Variants in TECTB observed in about 807,000 individuals in gnomAD.
TECTB encodes the protein beta-tectorin.
TECTB carries 45 observed loss-of-function variants against 43.3 expected under a neutral mutation model. The ratio of observed to expected loss-of-function variants is 1.04; its 90% confidence interval spans 0.82 to 1.33. The LOEUF (loss-of-function observed/expected upper bound fraction) is 1.33, where lower values mean the gene tolerates loss of function less well. TECTB is among the 40% of genes most tolerant of loss of function. The pLI is 0.00. For missense variants in TECTB, 399 were observed against 404.7 expected (o/e 0.99, Z 0.12); for synonymous variants, 169 against 156.7 (o/e 1.08, Z -0.59).
chr10:112,297,971 A>T, intron 7 of TECTB, 98 bp from the exon 8 acceptor site: 1 of 1,541,504 alleles, frequency 6.5e-7, no homozygotes, highest in Non-Finnish European at 8.9e-7. Flanking sequence ...GTTAGAGGTC[A>T]TATAACCACC....
At chr10:112,285,937 G>T in intron 3 of TECTB, 134 bp from the exon 4 acceptor site, 1 of 1,128,550 alleles carries the variant, frequency 8.9e-7, no homozygotes. Flanking sequence ...AAGAGTGGAT[G>T]CCACCGTCAG....
chr10:112,283,669 G>T lies in TECTB; in HGVS notation c.-66G>T. The T allele has an allele frequency of 6.7e-7, 1 of 1,501,804 alleles. No homozygotes were observed. Among genetic ancestry groups the T allele is most frequent in the Non-Finnish European group, 9.2e-7 (1 of 1,083,470 alleles). 93.0% of individuals were successfully genotyped at this position (1,501,804 alleles called of 1,614,324 possible). A position where few individuals can be genotyped will look rare whatever the true frequency, so the allele number is the denominator to read the frequency against. On this transcript the variant is annotated 5_prime_UTR_variant, in exon 2 of 11. Transcript: ENST00000646139. ...TTAGAATGATCGAGGCTCAGGCCCT[G>T]GAAGGACCGTAAACATTTGGCCAGC...
chr10:112,302,329 G>A (rs978265348), intron 10 of TECTB, 196 bp downstream of exon 10: 5 of 536,952 alleles, frequency 9.3e-6, no homozygotes, highest in South Asian at 3.3e-5. Context: ...TCTGAAGAGA[G>A]GGAGGAACCG....
At chr10:112,285,152 C>T (rs892370824) in intron 3 of TECTB, among the ~76,000 whole-genome samples, 4 of 152,198 alleles carry the variant, frequency 2.6e-5, no homozygotes, top group Admixed American at 6.5e-5. Flanking sequence ...CAACTTCTAA[C>T]GCAGTCTTGT....
chr10:112,293,591 T>C (rs1019962564), intron 5 of TECTB, 147 bp from the exon 6 acceptor site: 1 of 655,786 alleles, frequency 1.5e-6, no homozygotes. Context: ...AGAATTTCTC[T>C]GGTCTTGGAG....
At chr10:112,293,312 T>A (rs998573946) in intron 5 of TECTB, among the ~76,000 whole-genome samples, 1 of 146,518 alleles carries the variant, frequency 6.8e-6, no homozygotes, top group Non-Finnish European at 1.5e-5. Flanking sequence ...ATCCTACACT[T>A]CCCAACCCAC....
At chr10:112,288,069 A>G (rs1322826407) in intron 5 of TECTB, among the ~76,000 whole-genome samples, 1 of 152,188 alleles carries the variant, frequency 6.6e-6, no homozygotes, top group African/African-American at 2.4e-5. Flanking sequence ...CCGTCCGGAG[A>G]GGAAAATTGG....
intron 5 of TECTB, among the ~76,000 whole-genome samples, chr10:112,291,855 G>A (rs1848501803): frequency 6.6e-6 from 1 of 152,194 alleles, no homozygotes; most frequent in Non-Finnish European, 1.5e-5. Context: ...CTAATCCACA[G>A]GCTGGGCGCA....
chr10:112,299,522 G>C lies in TECTB; in HGVS notation c.865G>C (p.Asp289His), dbSNP rs763907318. Residue 289 changes from aspartate (D) to histidine (H), a missense_variant, in exon 9 of 11, where the codon GAC (aspartate) becomes CAC (histidine). Physicochemically the swap from Asp to His is moderately conservative, Grantham distance 81. Transcript: ENST00000646139. The part of the protein sequence containing the change: ...TCDKRKRLLR[D>H]QTGGVLVVEL... Reference sequence around the variant, plus strand: ...CGATAAACGGAAGCGCCTCCTGCGAGACCAGACCGGGGGAGTCCTGGTCGT... The same window carrying C: ...CGATAAACGGAAGCGCCTCCTGCGACACCAGACCGGGGGAGTCCTGGTCGT... The C allele has an allele frequency of 6.2e-7, 1 of 1,614,120 alleles. No individual in the cohort carries two copies. Among genetic ancestry groups the C allele is most frequent in the Non-Finnish European group, 8.5e-7 (1 of 1,180,054 alleles).
chr10:112,301,202 C>A (rs1176028486), intron 9 of TECTB, among the ~76,000 whole-genome samples: 1 of 152,172 alleles, frequency 6.6e-6, no homozygotes, highest in Non-Finnish European at 1.5e-5. Context: ...GCGGGCAGAT[C>A]ACCTGAGGTC....
intron 9 of TECTB, among the ~76,000 whole-genome samples, chr10:112,301,702 A>G (rs1848613499): frequency 6.6e-6 from 1 of 152,176 alleles, no homozygotes; most frequent in Admixed American, 6.5e-5. Context: ...CTGATGGTTT[A>G]ATCAGGGGAG....
chr10:112,288,582 GT>G (rs1848473740), intron 5 of TECTB, among the ~76,000 whole-genome samples: 1 of 152,158 alleles, frequency 6.6e-6, no homozygotes, highest in Non-Finnish European at 1.5e-5. Flanking sequence ...CCTGACCCAT[GT>G]GGTTGGTATT....
At position 112,293,709 on chromosome 10, in the gene TECTB, TAATGCCCAGTGTCAATTTCCTTCCAAAG is replaced by T; in HGVS notation, c.484-22_489del. 6.3e-7 allele frequency: 1 copy of T among 1,599,790 alleles called. No individual in the cohort carries two copies. Among genetic ancestry groups the T allele is most frequent in the Non-Finnish European group, 8.6e-7 (1 of 1,167,046 alleles). ...CCTAGCTGCTCAATCTGAGAGTTCA[TAATGCCCAGTGTCAATTTCCTTCCAAAG>T]AATGCCAAGTTCTCCATCAAGAAAG... On this transcript the variant is annotated splice_acceptor_variant and splice_polypyrimidine_tract_variant and intron_variant, in intron 5 of 10. Transcript: ENST00000646139. LOFTEE classifies it high-confidence loss of function.
rs770079500 is a variant in TECTB at position 112,286,088 on chromosome 10, T to A, written c.285T>A (p.Tyr95Ter). Residue 95 changes from tyrosine to a stop codon, truncating the protein, a stop_gained, in exon 4 of 11, where the codon TAT becomes TAA. Coordinates refer to ENST00000646139, the MANE Select transcript of TECTB (RefSeq NM_058222.3). LOFTEE classifies it high-confidence loss of function. ...GTQSEYKPPI[Y>*]HFYSHIVSND... ...TTGTCCAGTACAAGCCACCTATCTA[T>A]CACTTCTACAGTCACATCGTTTCCA... 2.0e-5 allele frequency: 32 copies of A among 1,613,990 alleles called. No homozygotes were observed. The South Asian group carries it at 3.3e-4, about 17-fold the overall frequency.
chr10:112,289,014 C>G (rs1389397388), intron 5 of TECTB, among the ~76,000 whole-genome samples: 1 of 152,206 alleles, frequency 6.6e-6, no homozygotes, highest in Non-Finnish European at 1.5e-5. Flanking sequence ...TGACTTTGGG[C>G]AAGTTAGTTA....
rs572229316 is a variant in TECTB at position 112,284,682 on chromosome 10, A to G, written c.224A>G (p.Asp75Gly). The change falls in exon 3 of 11, where the codon GAT becomes GGT. Residue 75 changes from aspartate (D) to glycine (G), a missense_variant. Transcript: ENST00000646139. ...GGTTACTACCAATTTGTGATCCCAG[A>G]TTTATCACCTAAAAACAAGTCCTAT... ...EGGYYQFVIP[D>G]LSPKNKSYCG... The G allele has an allele frequency of 6.2e-6, 10 of 1,611,876 alleles. No individual in the cohort carries two copies. In the South Asian group the frequency reaches 8.8e-5, roughly 14 times the overall value.
At chr10:112,295,959 CAGA>C (rs1403350268) in intron 7 of TECTB, among the ~76,000 whole-genome samples, 1 of 152,142 alleles carries the variant, frequency 6.6e-6, no homozygotes, top group Non-Finnish European at 1.5e-5. Flanking sequence ...CCTACCAGAT[CAGA>C]AGGACTCTGG....
In TECTB at chr10:112,304,809, A is replaced by G. The variant is rs934571937; in HGVS notation, c.*1497A>G. Reference sequence around the variant, plus strand: ...AAGCTGGAGTTCCAACGAGTTTAGGATCTCTTCTTTCTGTAAATTCAGAGT... The same window carrying G: ...AAGCTGGAGTTCCAACGAGTTTAGGGTCTCTTCTTTCTGTAAATTCAGAGT... On this transcript the variant is annotated 3_prime_UTR_variant, in exon 11 of 11. Coordinates refer to ENST00000646139, the MANE Select transcript of TECTB (RefSeq NM_058222.3). 2 of 142,296 alleles carry G rather than the reference A, an allele frequency of 1.4e-5. No homozygotes were observed. The highest frequency in any genetic ancestry group is 6.2e-5 in the African/African-American group (2 of 32,022). The allele number at this position is 142,296 out of a possible 1,614,324, so 8.8% of individuals were successfully genotyped here.
chr10:112,291,235 T>C (rs1024719981), intron 5 of TECTB, among the ~76,000 whole-genome samples: 1 of 151,916 alleles, frequency 6.6e-6, no homozygotes, highest in Non-Finnish European at 1.5e-5. Context: ...CTCCCACTTA[T>C]AAGTGAGACC....
Sources: gnomAD v4.1 joint callset for allele counts (sites outside exome capture counted in the v4.1 genomes callset) on GRCh38, gnomAD v4.1.1 for gene constraint, MANE v1.5 for transcripts, NCBI Gene and HGNC (gene_info 2026-07-23, HGNC 2026-07-21) for gene names.